Variants in DENND1A observed in about 807,000 individuals in gnomAD.
The protein encoded by DENND1A is DENN domain containing 1A, also known as DENN domain-containing protein 1A.
A neutral mutation model predicts 113.7 loss-of-function variants in DENND1A; 51 were observed. That is an observed-to-expected ratio of 0.45 (90% confidence interval 0.36 to 0.57). The LOEUF (loss-of-function observed/expected upper bound fraction) is 0.57. Ranked by LOEUF, DENND1A falls within the 20% of genes least tolerant of loss-of-function variation. The probability of loss-of-function intolerance (pLI) is 0.00; values close to 1 mark genes in which losing one functional copy is unlikely to be tolerated. For missense variants in DENND1A, 1,258 were observed against 1,395.9 expected (o/e 0.90, Z 1.57); for synonymous variants, 565 against 570.8 (o/e 0.99, Z 0.14).
At chr9:123,571,758 A>C (rs2058368563) in intron 12 of DENND1A, among the ~76,000 whole-genome samples, 1 of 152,258 alleles carries the variant, frequency 6.6e-6, no homozygotes, top group Non-Finnish European at 1.5e-5. Flanking sequence ...CAGCTGCCAT[A>C]AACATTCATG....
intron 5 of DENND1A, among the ~76,000 whole-genome samples, chr9:123,708,581 A>G (rs2066380788): frequency 6.6e-6 from 1 of 152,168 alleles, no homozygotes; most frequent in South Asian, 2.1e-4. Flanking sequence ...ATAAATTTTA[A>G]GTAACAACAT....
intron 13 of DENND1A, among the ~76,000 whole-genome samples, chr9:123,497,026 G>C (rs2051987887): frequency 6.6e-6 from 1 of 152,028 alleles, no homozygotes; most frequent in Admixed American, 6.6e-5. Flanking sequence ...GCTTACCTCC[G>C]TGACTGGGTC....
At chr9:123,914,877 C>T (rs1180882793) in intron 1 of DENND1A, among the ~76,000 whole-genome samples, 2 of 152,082 alleles carry the variant, frequency 1.3e-5, no homozygotes, top group African/African-American at 2.4e-5. Context: ...GTCCCACCTC[C>T]AACACTGGGA....
At chr9:123,503,985 T>C (rs2052704807) in intron 13 of DENND1A, among the ~76,000 whole-genome samples, 1 of 152,210 alleles carries the variant, frequency 6.6e-6, no homozygotes, top group Admixed American at 6.5e-5. Flanking sequence ...AGAATACCCA[T>C]TTCTACCAGT....
intron 5 of DENND1A, among the ~76,000 whole-genome samples, chr9:123,678,102 C>CT (rs1173280886): frequency 6.6e-6 from 1 of 152,146 alleles, no homozygotes; most frequent in Non-Finnish European, 1.5e-5. Flanking sequence ...CTGTGCTGCC[C>CT]TGGTCATGAG....
At chr9:123,799,908 T>G (rs1352666938) in intron 2 of DENND1A, among the ~76,000 whole-genome samples, 1 of 152,216 alleles carries the variant, frequency 6.6e-6, no homozygotes, top group African/African-American at 2.4e-5. Flanking sequence ...TTAGTTGTTG[T>G]TATATTATTA....
intron 21 of DENND1A, among the ~76,000 whole-genome samples, chr9:123,394,967 C>T (rs761722453): frequency 6.6e-5 from 10 of 152,234 alleles, no homozygotes; most frequent in Non-Finnish European, 8.8e-5. Context: ...ACTGAGGGTA[C>T]GTCATTCCAC....
At chr9:123,560,434 C>G (rs1214240504) in intron 12 of DENND1A, among the ~76,000 whole-genome samples, 4 of 152,152 alleles carry the variant, frequency 2.6e-5, no homozygotes, top group Non-Finnish European at 5.9e-5. Context: ...TGGGGACGTG[C>G]CCAGCGCTTT....
chr9:123,438,612 T>A (rs1291967934), intron 19 of DENND1A, among the ~76,000 whole-genome samples: 2 of 151,906 alleles, frequency 1.3e-5, no homozygotes, highest in Non-Finnish European at 2.9e-5. Context: ...AATCCTGCCT[T>A]CCTGTACACT....
chr9:123,593,142 T>C (rs528597269), intron 11 of DENND1A, among the ~76,000 whole-genome samples: 5 of 152,298 alleles, frequency 3.3e-5, no homozygotes, highest in East Asian at 1.9e-4. Context: ...TGCAACATTG[T>C]TGGGGTCCTT....
chr9:123,876,266 T>TA lies in DENND1A; in HGVS notation c.88+2684dup, dbSNP rs1229406222. Among the ~76,000 whole-genome samples, 7 of 152,212 alleles carry TA rather than the reference T, an allele frequency of 4.6e-5. No homozygotes were observed. In the East Asian group the frequency reaches 1.4e-3, roughly 29 times the overall value. On this transcript the variant is annotated intron_variant, in intron 2 of 23. Coordinates refer to ENST00000394215, the MANE Select transcript of DENND1A (RefSeq NM_001352964.2). ...AAAATTATTCTAGGCTGAAAGGAAG[T>TA]AAACTGACATGAAAACTAAATGGAC...
At chr9:123,637,894 G>A in intron 9 of DENND1A, among the ~76,000 whole-genome samples, 1 of 147,276 alleles carries the variant, frequency 6.8e-6, no homozygotes. Context: ...TTATCTTTTG[G>A]GAAAGGGAAG....
chr9:123,775,030 T>A (rs1354330147), intron 3 of DENND1A, among the ~76,000 whole-genome samples: 1 of 152,204 alleles, frequency 6.6e-6, no homozygotes, highest in Non-Finnish European at 1.5e-5. Context: ...TCCTTTTGCA[T>A]CCTCCTCTTT....
intron 18 of DENND1A, among the ~76,000 whole-genome samples, chr9:123,441,663 C>A (rs1326634390): frequency 6.6e-6 from 1 of 152,138 alleles, no homozygotes; most frequent in African/African-American, 2.4e-5. Flanking sequence ...TTATTCAAGT[C>A]AAGGAAGTTG....
intron 2 of DENND1A, among the ~76,000 whole-genome samples, chr9:123,831,019 C>G (rs1217016965): frequency 1.3e-5 from 2 of 150,244 alleles, no homozygotes; most frequent in Non-Finnish European, 3.0e-5. Flanking sequence ...GGAAATAAAA[C>G]TATTATTTGC....
intron 5 of DENND1A, among the ~76,000 whole-genome samples, chr9:123,717,298 G>C (rs985100532): frequency 4.6e-5 from 7 of 152,160 alleles, no homozygotes; most frequent in African/African-American, 1.7e-4. Flanking sequence ...TTTGTTGAAA[G>C]AATGAATGGG....
intron 22 of DENND1A, among the ~76,000 whole-genome samples, chr9:123,386,474 C>T (rs1257703369): frequency 3.3e-5 from 5 of 150,142 alleles, no homozygotes; most frequent in African/African-American, 7.4e-5. Context: ...CTCCGCCTCC[C>T]GGGTTCAAGT....
At chr9:123,878,806 A>G (rs978500531) in intron 2 of DENND1A, 145 bp downstream of exon 2, 1 of 691,128 alleles carries the variant, frequency 1.4e-6, no homozygotes, top group African/African-American at 1.8e-5. Context: ...TTCCTAGGAT[A>G]ATGTGAGCAT....
chr9:123,546,941 T>C (rs1016200914), intron 13 of DENND1A, among the ~76,000 whole-genome samples: 10 of 152,232 alleles, frequency 6.6e-5, no homozygotes, highest in South Asian at 2.1e-4. Flanking sequence ...TCAGTTGAGA[T>C]TGATCATAGT....
Sources: allele counts gnomAD v4.1 joint callset (sites outside exome capture counted in the v4.1 genomes callset), GRCh38; gene constraint gnomAD v4.1.1; transcripts MANE v1.5; gene names NCBI Gene and HGNC (gene_info 2026-07-23, HGNC 2026-07-21).